GXYLT2: variants seen among roughly 807,000 people sequenced by gnomAD.
GXYLT2 encodes glucoside xylosyltransferase 2.
In GXYLT2, 53 loss-of-function variants were observed where a neutral mutation model predicts 45.8. The observed-to-expected ratio is 1.16, with a 90% confidence interval of 0.93 to 1.46. GXYLT2 has a LOEUF of 1.46. Ranked by LOEUF, GXYLT2 falls within the 40% of genes most tolerant of loss-of-function variation. GXYLT2 has a pLI of 0.00. For synonymous variants in GXYLT2, 219 were observed against 214.2 expected, an observed-to-expected ratio of 1.02 and a Z score of -0.19; for missense variants, 551 against 544.4, an observed-to-expected ratio of 1.01 and a Z score of -0.12.
At chr3:72,922,535 G>A (rs62249904) in intron 3 of GXYLT2, among the ~76,000 whole-genome samples, 200 bp downstream of exon 3, 44,579 of 152,052 alleles carry the variant, frequency 0.29, 8,226 homozygotes, top group South Asian at 0.44. Context: ...GAGGGACTGT[G>A]AGCATTCAAA....
chr3:72,966,417 T>G (rs1710867135), intron 5 of GXYLT2, among the ~76,000 whole-genome samples: 1 of 150,464 alleles, frequency 6.6e-6, no homozygotes. Context: ...AAGAGTTGAT[T>G]ACAACTGCTA....
At chr3:72,909,630 C>T (rs1490792015) in intron 2 of GXYLT2, among the ~76,000 whole-genome samples, 4 of 152,082 alleles carry the variant, frequency 2.6e-5, no homozygotes, top group Admixed American at 6.5e-5. Flanking sequence ...GCTGGGTCCT[C>T]ATTTATTTGA....
chr3:72,932,544 A>C (rs1710059380), intron 3 of GXYLT2, among the ~76,000 whole-genome samples: 1 of 152,222 alleles, frequency 6.6e-6, no homozygotes, highest in Non-Finnish European at 1.5e-5. Context: ...CTTGACTTGA[A>C]TCACATTCTC....
At chr3:72,971,137 G>T (rs62249929) in intron 6 of GXYLT2, among the ~76,000 whole-genome samples, 60,120 of 152,064 alleles carry the variant, frequency 0.4, 14,774 homozygotes, top group Non-Finnish European at 0.54. Context: ...TTTCTTTTGT[G>T]ATCTGTCACC....
At chr3:72,936,517 G>A (rs1710182739) in intron 3 of GXYLT2, among the ~76,000 whole-genome samples, 1 of 151,932 alleles carries the variant, frequency 6.6e-6, no homozygotes, top group African/African-American at 2.4e-5. Context: ...TAGTATGCCT[G>A]TAGTCCCAGC....
At chr3:72,894,761 AG>A (rs1000895020) in intron 1 of GXYLT2, among the ~76,000 whole-genome samples, 4 of 152,208 alleles carry the variant, frequency 2.6e-5, no homozygotes, top group Non-Finnish European at 4.4e-5. Context: ...GAGGTTGTTG[AG>A]GGGAGGATGG....
intron 1 of GXYLT2, among the ~76,000 whole-genome samples, chr3:72,889,062 T>C (rs1270539662): frequency 3.0e-4 from 46 of 152,034 alleles, no homozygotes; most frequent in Non-Finnish European, 1.5e-5. Context: ...AGAGTGGGGG[T>C]TTCCAGATCC....
intron 3 of GXYLT2, among the ~76,000 whole-genome samples, chr3:72,951,240 A>C (rs1478810036): frequency 1.3e-5 from 2 of 151,930 alleles, no homozygotes; most frequent in East Asian, 3.9e-4. Flanking sequence ...AAAAGTCCTT[A>C]TGTACTTATT....
intron 1 of GXYLT2, among the ~76,000 whole-genome samples, chr3:72,896,924 T>C (rs1709303129): frequency 6.6e-6 from 1 of 152,066 alleles, no homozygotes; most frequent in Non-Finnish European, 1.5e-5. Flanking sequence ...ACACATAAAA[T>C]AACATGCTTT....
intron 3 of GXYLT2, among the ~76,000 whole-genome samples, chr3:72,930,592 C>CTT (rs71126806): frequency 0.5 from 50,636 of 101,510 alleles, 13,853 homozygotes; most frequent in Non-Finnish European, 0.58. Context: ...TCTTCTTCTT[C>CTT]TTTTTTTTTT....
chr3:72,928,994 G>A lies in GXYLT2; in HGVS notation c.600+6659G>A, dbSNP rs541843227. On this transcript the variant is annotated intron_variant, in intron 3 of 6. Transcript: ENST00000389617. ...CCTCGGTACCGCCCCAAGGCCCGCC[G>A]CCGCTCCAGCGCCGCGCAGCCACCG... 130 of 1,157,416 alleles carry A rather than the reference G, an allele frequency of 1.1e-4. No homozygotes were observed. In the African/African-American group the frequency reaches 1.7e-3, roughly 15 times the overall value. 71.7% of individuals were successfully genotyped at this position (1,157,416 alleles called of 1,614,324 possible).
At chr3:72,907,303 A>G (rs553486882) in intron 1 of GXYLT2, among the ~76,000 whole-genome samples, 6 of 152,182 alleles carry the variant, frequency 3.9e-5, no homozygotes, top group Admixed American at 6.6e-5. Context: ...CACATCTTCA[A>G]CTTTCCTCCT....
chr3:72,895,676 G>A (rs2107060666), intron 1 of GXYLT2, among the ~76,000 whole-genome samples: 1 of 152,320 alleles, frequency 6.6e-6, no homozygotes, highest in East Asian at 1.9e-4. Flanking sequence ...TTCTGTTGAA[G>A]ATAGAATTCA....
At chr3:72,938,877 T>C (rs1710241794) in intron 3 of GXYLT2, among the ~76,000 whole-genome samples, 1 of 152,230 alleles carries the variant, frequency 6.6e-6, no homozygotes, top group Admixed American at 6.5e-5. Context: ...AAAGCCATCA[T>C]TGCTTTGCTC....
At position 72,955,321 on chromosome 3, in the gene GXYLT2, T is replaced by C; in HGVS notation, c.824T>C (p.Leu275Ser). The change falls in exon 4 of 7, where the codon TTA becomes TCA. Residue 275 changes from leucine (L) to serine (S), a missense_variant. By Grantham distance (145) the Leu-to-Ser change is moderately radical. Transcript: ENST00000389617. ...AATTCAGGAGTCATGTTAATGAATT[T>C]AACTCGGATAAGAAGTACCCAGTTC... ...GVNSGVMLMN[L>S]TRIRSTQFKN... The C allele has an allele frequency of 1.2e-6, 2 of 1,613,974 alleles. No individual in the cohort carries two copies. Among genetic ancestry groups the C allele is most frequent in the Non-Finnish European group, 1.7e-6 (2 of 1,179,860 alleles).
At position 72,976,728 on chromosome 3, in the gene GXYLT2, T is replaced by C. The variant is rs781388361; in HGVS notation, c.*1569T>C. On this transcript the variant is annotated 3_prime_UTR_variant, in exon 7 of 7. Transcript: ENST00000389617. ...ATGACTATTGCATAGATGATCTTGA[T>C]ATTTGCAACAGCCTAGTGGATTTGG... 2 of 152,196 alleles carry C rather than the reference T, an allele frequency of 1.3e-5. No individual in the cohort carries two copies. The highest frequency in any genetic ancestry group is 2.9e-5 in the Non-Finnish European group (2 of 68,024). The allele number at this position is 152,196 out of a possible 1,614,324, so 9.4% of individuals were successfully genotyped here. A position where few individuals can be genotyped will look rare whatever the true frequency, so the allele number is the denominator to read the frequency against.
intron 2 of GXYLT2, among the ~76,000 whole-genome samples, chr3:72,918,578 A>G (rs1405008416): frequency 2.6e-5 from 4 of 152,178 alleles, no homozygotes; most frequent in African/African-American, 9.7e-5. Context: ...TAATCCTAGC[A>G]CTTTGGGAGG....
intron 3 of GXYLT2, among the ~76,000 whole-genome samples, chr3:72,922,969 A>T (rs892879637): frequency 1.3e-5 from 2 of 151,928 alleles, no homozygotes; most frequent in African/African-American, 4.8e-5. Flanking sequence ...AAATACAAAA[A>T]TTAGGCGGGG....
chr3:72,967,867 A>G (rs1216812796), intron 6 of GXYLT2, 148 bp downstream of exon 6: 2 of 641,978 alleles, frequency 3.1e-6, no homozygotes, highest in East Asian at 5.6e-5. Flanking sequence ...CTCTGTCACT[A>G]TATCCTCTTG....
Sources: gnomAD v4.1 joint callset for allele counts (sites outside exome capture counted in the v4.1 genomes callset) on GRCh38, gnomAD v4.1.1 for gene constraint, MANE v1.5 for transcripts, NCBI Gene and HGNC (gene_info 2026-07-23, HGNC 2026-07-21) for gene names.